The following GPC5 variants were observed in gnomAD, a reference collection of about 807,000 sequenced individuals.
GPC5 encodes the protein glypican 5, also known as glypican-5.
A neutral mutation model predicts 53.9 loss-of-function variants in GPC5; 47 were observed. That is an observed-to-expected ratio of 0.87 (90% CI 0.69 to 1.11). GPC5 has a LOEUF of 1.11. Among genes scored for constraint, GPC5 ranks in the 50% most tolerant of loss-of-function variants. The probability of loss-of-function intolerance (pLI) is 0.00; values close to 1 mark genes in which losing one functional copy is unlikely to be tolerated. For synonymous variants in GPC5, 286 were observed against 263.3 expected (o/e 1.09, Z -0.84); for missense variants, 748 against 713.1 (o/e 1.05, Z -0.56).
chr13:91,446,295 C>T (rs1260145323), intron 1 of GPC5, among the ~76,000 whole-genome samples: 2 of 152,152 alleles, frequency 1.3e-5, no homozygotes, highest in Non-Finnish European at 2.9e-5. Flanking sequence ...GACGTATTAA[C>T]CACTACTGCT....
At chr13:91,572,034 T>C (rs538006492) in intron 2 of GPC5, among the ~76,000 whole-genome samples, 86 of 117,194 alleles carry the variant, frequency 7.3e-4, no homozygotes, top group African/African-American at 1.8e-3. Context: ...TGTGTATATA[T>C]GTGTATATAC....
rs1269411030 is a variant in GPC5 at position 91,436,027 on chromosome 13, G to A, written c.164-12734G>A. On this transcript the variant is annotated intron_variant, in intron 1 of 7. Transcript: ENST00000377067. ...TAGTTTGTATTTCTGTGGGATTGGT[G>A]GTGATATCCCCTTTATCATTTTTTA... is the stretch of plus-strand genomic sequence containing the variant. Among the ~76,000 whole-genome samples the A allele has an allele frequency of 1.1e-4, 17 of 152,166 alleles. No individual in the cohort carries two copies. The East Asian group carries it at 3.3e-3, about 29-fold the overall frequency.
At chr13:92,710,649 C>T (rs767235199) in intron 7 of GPC5, among the ~76,000 whole-genome samples, 53 of 152,138 alleles carry the variant, frequency 3.5e-4, no homozygotes, top group Non-Finnish European at 6.6e-4. Flanking sequence ...CCTCGCTTAA[C>T]ACACTTATTT....
At chr13:92,863,409 C>T (rs1879243581) in intron 7 of GPC5, among the ~76,000 whole-genome samples, 1 of 152,174 alleles carries the variant, frequency 6.6e-6, no homozygotes, top group Non-Finnish European at 1.5e-5. Flanking sequence ...GTACCTGACA[C>T]CACAGCAAGG....
intron 2 of GPC5, among the ~76,000 whole-genome samples, chr13:91,563,993 C>G (rs2031410713): frequency 6.6e-6 from 1 of 152,148 alleles, no homozygotes; most frequent in African/African-American, 2.4e-5. Context: ...TGGTGTCCCA[C>G]TCTTGACCCA....
intron 2 of GPC5, among the ~76,000 whole-genome samples, chr13:91,489,267 A>T (rs912422383): frequency 6.6e-6 from 1 of 152,102 alleles, no homozygotes; most frequent in African/African-American, 2.4e-5. Flanking sequence ...ACTAATAAAA[A>T]CTTGCTGGTT....
intron 7 of GPC5, among the ~76,000 whole-genome samples, chr13:92,774,743 C>A (rs1875737971): frequency 6.6e-6 from 1 of 152,134 alleles, no homozygotes; most frequent in South Asian, 2.1e-4. Flanking sequence ...ATGAAAGATT[C>A]ATTTAACCAT....
chr13:91,561,780 T>G (rs2031275340), intron 2 of GPC5, among the ~76,000 whole-genome samples: 1 of 152,248 alleles, frequency 6.6e-6, no homozygotes, highest in Admixed American at 6.5e-5. Flanking sequence ...TAATTAAATA[T>G]GCAATGTGGT....
chr13:92,666,537 G>A (rs1318823777), intron 7 of GPC5, among the ~76,000 whole-genome samples: 1 of 152,050 alleles, frequency 6.6e-6, no homozygotes, highest in African/African-American at 2.4e-5. Context: ...TTTATACATA[G>A]ATCAATTCTG....
At chr13:92,677,224 T>C (rs1886973124) in intron 7 of GPC5, among the ~76,000 whole-genome samples, 1 of 152,194 alleles carries the variant, frequency 6.6e-6, no homozygotes, top group Non-Finnish European at 1.5e-5. Context: ...CTTTTTCTAA[T>C]CTTTTCAAGA....
At chr13:92,639,111 A>G (rs578196383) in intron 7 of GPC5, among the ~76,000 whole-genome samples, 1 of 152,308 alleles carries the variant, frequency 6.6e-6, no homozygotes, top group South Asian at 2.1e-4. Context: ...AAACATTTTT[A>G]GTAAAGGGCT....
At chr13:91,583,822 A>G (rs1266539940) in intron 2 of GPC5, among the ~76,000 whole-genome samples, 1 of 152,172 alleles carries the variant, frequency 6.6e-6, no homozygotes, top group Non-Finnish European at 1.5e-5. Flanking sequence ...AGGTGAAATG[A>G]GATAGTGCAA....
intron 7 of GPC5, among the ~76,000 whole-genome samples, chr13:92,244,087 G>T (rs1024256341): frequency 6.6e-5 from 10 of 152,184 alleles, no homozygotes; most frequent in African/African-American, 2.4e-4. Flanking sequence ...GTGTCATGCA[G>T]ATGAACATTC....
At chr13:91,488,943 C>T (rs546900211) in intron 2 of GPC5, among the ~76,000 whole-genome samples, 12 of 152,232 alleles carry the variant, frequency 7.9e-5, no homozygotes, top group South Asian at 4.1e-4. Flanking sequence ...GCTTTGGGGG[C>T]GGCTGTCTTT....
At chr13:92,637,996 T>C (rs1481717453) in intron 7 of GPC5, among the ~76,000 whole-genome samples, 1 of 152,142 alleles carries the variant, frequency 6.6e-6, no homozygotes, top group African/African-American at 2.4e-5. Context: ...AAGCAGATTA[T>C]CAATTGTAGT....
intron 6 of GPC5, among the ~76,000 whole-genome samples, chr13:92,059,547 T>C (rs1007051843): frequency 2.0e-5 from 3 of 152,076 alleles, no homozygotes; most frequent in Admixed American, 2.0e-4. Context: ...TTGTGTATAA[T>C]CTTTTAAATT....
At chr13:91,998,110 C>A (rs367543890) in intron 6 of GPC5, among the ~76,000 whole-genome samples, 1 of 152,274 alleles carries the variant, frequency 6.6e-6, no homozygotes, top group East Asian at 1.9e-4. Flanking sequence ...TGCCCTATCA[C>A]AATTTATTGA....
intron 4 of GPC5, among the ~76,000 whole-genome samples, chr13:91,737,577 T>C (rs895158573): frequency 1.3e-5 from 2 of 151,458 alleles, no homozygotes; most frequent in Non-Finnish European, 2.9e-5. Context: ...TATTCTATGT[T>C]TGCCAAAAAT....
At chr13:91,704,805 T>C (rs1308452586) in intron 3 of GPC5, among the ~76,000 whole-genome samples, 1 of 152,228 alleles carries the variant, frequency 6.6e-6, no homozygotes, top group African/African-American at 2.4e-5. Context: ...AACCCCTTCC[T>C]AATTGACTCA....
Sources: gnomAD v4.1 joint callset for allele counts (sites outside exome capture counted in the v4.1 genomes callset) on GRCh38, gnomAD v4.1.1 for gene constraint, MANE v1.5 for transcripts, NCBI Gene and HGNC (gene_info 2026-07-23, HGNC 2026-07-21) for gene names.